Variants in TOM1L2 observed in about 807,000 individuals in gnomAD.
TOM1L2 encodes target of myb1 like 2 membrane trafficking protein.
TOM1L2 carries 31 observed loss-of-function variants against 67.9 expected under a neutral mutation model. The ratio of observed to expected loss-of-function variants is 0.46; its 90% CI spans 0.34 to 0.62. The LOEUF (loss-of-function observed/expected upper bound fraction) is 0.62. TOM1L2 is among the 20% of genes least tolerant of loss of function. The probability of loss-of-function intolerance (pLI) is 0.01; values close to 1 mark genes in which losing one functional copy is unlikely to be tolerated. For synonymous variants in TOM1L2, 256 were observed against 254.0 expected (o/e 1.01, Z -0.07); for missense variants, 606 against 663.5 (o/e 0.91, Z 0.95).
chr17:17,907,752 C>T (rs2039162872), intron 1 of TOM1L2, among the ~76,000 whole-genome samples: 1 of 152,148 alleles, frequency 6.6e-6, no homozygotes, highest in Admixed American at 6.5e-5. Context: ...AAACTCTAGA[C>T]TGAAAAGCTT....
chr17:17,867,730 G>A (rs2036937218), intron 8 of TOM1L2, among the ~76,000 whole-genome samples: 1 of 152,196 alleles, frequency 6.6e-6, no homozygotes, highest in African/African-American at 2.4e-5. Context: ...CTCCAGATTT[G>A]TCTCCCAACT....
At chr17:17,926,260 CT>C (rs11340467) in intron 1 of TOM1L2, among the ~76,000 whole-genome samples, 73,390 of 151,092 alleles carry the variant, frequency 0.49, 18,820 homozygotes, top group East Asian at 0.86. Context: ...AACATACAGA[CT>C]TAAGGATAAA....
chr17:17,849,656 C>T (rs1444913281), intron 13 of TOM1L2, among the ~76,000 whole-genome samples: 3 of 152,130 alleles, frequency 2.0e-5, no homozygotes, highest in South Asian at 2.1e-4. Context: ...TGGGAAGGGG[C>T]AGGATGGGGA....
chr17:17,954,737 G>A (rs1204563207), intron 1 of TOM1L2, among the ~76,000 whole-genome samples: 1 of 152,212 alleles, frequency 6.6e-6, no homozygotes, highest in Non-Finnish European at 1.5e-5. Context: ...GACCAGCTAG[G>A]TGGTATTGAA....
intron 7 of TOM1L2, among the ~76,000 whole-genome samples, chr17:17,870,265 G>A (rs937184605): frequency 1.3e-5 from 2 of 152,124 alleles, no homozygotes; most frequent in African/African-American, 4.8e-5. Context: ...CAACATCCCC[G>A]TGACGACAGA....
At chr17:17,884,487 T>C (rs2037889465) in intron 5 of TOM1L2, 147 bp downstream of exon 5, 2 of 1,053,054 alleles carry the variant, frequency 1.9e-6, no homozygotes, top group Admixed American at 4.7e-5. Flanking sequence ...GCATGCCCCT[T>C]GTTATTAAAA....
intron 1 of TOM1L2, among the ~76,000 whole-genome samples, chr17:17,909,196 C>A (rs922843788): frequency 6.6e-6 from 1 of 152,028 alleles, no homozygotes; most frequent in Non-Finnish European, 1.5e-5. Flanking sequence ...CAAAAACAAA[C>A]AAACAAACAA....
chr17:17,864,635 C>A (rs958131943), intron 10 of TOM1L2, among the ~76,000 whole-genome samples: 4 of 152,078 alleles, frequency 2.6e-5, no homozygotes, highest in African/African-American at 7.2e-5. Flanking sequence ...CCTCAACCCC[C>A]CTAGTAGTTG....
At chr17:17,884,842 CGTCCTCTCCCCGAGACCA>C in intron 4 of TOM1L2, 74 bp from the exon 5 acceptor site, 1 of 1,591,190 alleles carries the variant, frequency 6.3e-7, no homozygotes, top group Non-Finnish European at 8.6e-7. Context: ...AAGTGGCCCA[CGTCCTCTCCCCGAGACCA>C]GTGCTCTCCT....
intron 1 of TOM1L2, among the ~76,000 whole-genome samples, chr17:17,941,591 T>C (rs2040736567): frequency 6.6e-6 from 1 of 152,140 alleles, no homozygotes; most frequent in Non-Finnish European, 1.5e-5. Context: ...GTCTTCCCTG[T>C]GGGTCCCTCA....
chr17:17,864,925 C>A (rs1018192234), intron 10 of TOM1L2, among the ~76,000 whole-genome samples: 1 of 152,132 alleles, frequency 6.6e-6, no homozygotes, highest in Non-Finnish European at 1.5e-5. Flanking sequence ...ATTACAGCAA[C>A]TGATAGCCAC....
chr17:17,930,371 G>A (rs117898889), intron 1 of TOM1L2, among the ~76,000 whole-genome samples: 1,537 of 152,246 alleles, frequency 0.01, 12 homozygotes, highest in Middle Eastern at 0.017. Context: ...AAAAAAAGGG[G>A]GGTCTGGGAA....
intron 12 of TOM1L2, among the ~76,000 whole-genome samples, chr17:17,854,497 T>TTA (rs1355736491): frequency 2.6e-5 from 4 of 151,788 alleles, no homozygotes; most frequent in Admixed American, 6.6e-5. Context: ...TTATTTTTAT[T>TTA]TTTATTTATT....
intron 3 of TOM1L2, among the ~76,000 whole-genome samples, chr17:17,895,092 C>T (rs1455695210): frequency 1.3e-5 from 2 of 152,260 alleles, no homozygotes; most frequent in Admixed American, 1.3e-4. Context: ...GCTGTACACA[C>T]GACGAAGGGG....
At chr17:17,859,450 G>A (rs777272185) in intron 12 of TOM1L2, 4 of 152,276 alleles carry the variant, frequency 2.6e-5, no homozygotes, top group African/African-American at 7.2e-5. Flanking sequence ...CTTGGGATGG[G>A]ACAAGGTAAC....
intron 1 of TOM1L2, among the ~76,000 whole-genome samples, chr17:17,931,566 C>T (rs1339668162): frequency 6.6e-6 from 1 of 152,220 alleles, no homozygotes; most frequent in Admixed American, 6.5e-5. Context: ...TTCTCTCCCC[C>T]TCCCCCGTAC....
At chr17:17,853,081 T>G (rs2036076413) in intron 12 of TOM1L2, among the ~76,000 whole-genome samples, 1 of 152,174 alleles carries the variant, frequency 6.6e-6, no homozygotes, top group Admixed American at 6.5e-5. Flanking sequence ...ACTCTGTGCT[T>G]GCTGGCAGGC....
Position 17,867,627 on chromosome 17 carries a change from C to T in TOM1L2, c.912-703G>A, listed in dbSNP as rs16960745. Among the ~76,000 whole-genome samples, 1,610 of 152,240 alleles carry T rather than the reference C, an allele frequency of 0.011. 94 individuals are homozygous for T. The East Asian group carries it at 0.16, about 15-fold the overall frequency. ...GGGCAGAATAGATTATGTTCTGTAT[C>T]GTATTTAAAAACTCCAAATGCCATG... On this transcript the variant is annotated intron_variant, in intron 8 of 14. Coordinates refer to ENST00000379504, the MANE Select transcript of TOM1L2 (RefSeq NM_001082968.2).
chr17:17,910,105 A>G (rs2039279504), intron 1 of TOM1L2, among the ~76,000 whole-genome samples: 1 of 152,242 alleles, frequency 6.6e-6, no homozygotes, highest in Non-Finnish European at 1.5e-5. Context: ...ACCAAAAAAG[A>G]CAGAAAAATT....
Sources: allele counts gnomAD v4.1 joint callset (sites outside exome capture counted in the v4.1 genomes callset), GRCh38; gene constraint gnomAD v4.1.1; transcripts MANE v1.5; gene names NCBI Gene and HGNC (gene_info 2026-07-23, HGNC 2026-07-21).